Variants in NKAIN2 observed in about 807,000 individuals in gnomAD.
NKAIN2 encodes the protein sodium/potassium-transporting ATPase subunit beta-1-interacting protein 2.
Under a neutral mutation model 32.6 loss-of-function variants are expected in NKAIN2, and 14 were observed. The observed-to-expected ratio is 0.43, with a 90% CI of 0.28 to 0.67. The LOEUF is 0.67. NKAIN2 is among the 30% of genes least tolerant of loss of function. The probability of loss-of-function intolerance (pLI) is 0.17; values close to 1 mark genes in which losing one functional copy is unlikely to be tolerated. For synonymous variants in NKAIN2, 80 were observed against 87.2 expected (o/e 0.92, Z 0.46); for missense variants, 198 against 258.3 (o/e 0.77, Z 1.60).
chr6:124,645,695 T>C (rs571204783), intron 3 of NKAIN2, among the ~76,000 whole-genome samples: 1 of 152,112 alleles, frequency 6.6e-6, no homozygotes. Context: ...CTATTTAATA[T>C]GAAAAGACAA....
At chr6:124,688,801 T>G (rs1417788123) in intron 4 of NKAIN2, among the ~76,000 whole-genome samples, 2 of 152,156 alleles carry the variant, frequency 1.3e-5, no homozygotes, top group East Asian at 1.9e-4. Context: ...TTTCATGGCT[T>G]GATAATTCAT....
intron 1 of NKAIN2, among the ~76,000 whole-genome samples, chr6:123,966,824 G>T (rs1326143250): frequency 6.6e-6 from 1 of 152,168 alleles, no homozygotes; most frequent in Non-Finnish European, 1.5e-5. Flanking sequence ...TCACGTGTCA[G>T]ATGCCAAGTG....
At chr6:124,650,066 G>A (rs1784314094) in intron 3 of NKAIN2, among the ~76,000 whole-genome samples, 1 of 152,160 alleles carries the variant, frequency 6.6e-6, no homozygotes, top group Non-Finnish European at 1.5e-5. Flanking sequence ...AGAACTAGAA[G>A]CTTTTCTACT....
intron 4 of NKAIN2, among the ~76,000 whole-genome samples, chr6:124,673,181 A>C (rs1374971723): frequency 6.6e-6 from 1 of 152,020 alleles, no homozygotes; most frequent in Non-Finnish European, 1.5e-5. Context: ...TAAGCATGAT[A>C]TCCTCTAAGT....
chr6:123,920,907 C>A (rs776187078), intron 1 of NKAIN2, among the ~76,000 whole-genome samples: 1 of 152,248 alleles, frequency 6.6e-6, no homozygotes, highest in South Asian at 2.1e-4. Flanking sequence ...GACACATGCC[C>A]GCACACACAT....
chr6:124,730,035 A>T (rs1441641965), intron 4 of NKAIN2, among the ~76,000 whole-genome samples: 1 of 129,296 alleles, frequency 7.7e-6, no homozygotes, highest in African/African-American at 2.9e-5. Flanking sequence ...GAGAACTACA[A>T]ACCACTGATC....
chr6:124,726,444 G>A (rs932883140), intron 4 of NKAIN2, among the ~76,000 whole-genome samples: 2 of 152,104 alleles, frequency 1.3e-5, no homozygotes, highest in South Asian at 2.1e-4. Context: ...CCCAGCAGGG[G>A]CACACTGACA....
At chr6:124,357,661 C>T (rs983843174) in intron 3 of NKAIN2, among the ~76,000 whole-genome samples, 18 of 152,062 alleles carry the variant, frequency 1.2e-4, no homozygotes. Flanking sequence ...GTATTTATTT[C>T]CATGAAATCT....
intron 4 of NKAIN2, among the ~76,000 whole-genome samples, chr6:124,761,296 A>G (rs1339474343): frequency 1.3e-5 from 2 of 152,178 alleles, no homozygotes; most frequent in African/African-American, 4.8e-5. Flanking sequence ...CGGGGAGGCT[A>G]GTTAGATGGC....
intron 1 of NKAIN2, among the ~76,000 whole-genome samples, chr6:124,076,349 A>G (rs1783695097): frequency 6.6e-6 from 1 of 152,154 alleles, no homozygotes; most frequent in African/African-American, 2.4e-5. Context: ...TTGGCTTGAG[A>G]GAAACGGAAG....
intron 1 of NKAIN2, among the ~76,000 whole-genome samples, chr6:124,118,489 G>T (rs1009091605): frequency 1.7e-4 from 26 of 152,134 alleles, no homozygotes; most frequent in African/African-American, 6.3e-4. Context: ...TACCTCGGGA[G>T]AAAACAAAAA....
chr6:123,963,630 T>C (rs757977831), intron 1 of NKAIN2, among the ~76,000 whole-genome samples: 2 of 152,192 alleles, frequency 1.3e-5, no homozygotes, highest in Non-Finnish European at 2.9e-5. Flanking sequence ...AATTGCAACA[T>C]AGTAAACATT....
chr6:124,676,187 AT>A (rs1773347040), intron 4 of NKAIN2, among the ~76,000 whole-genome samples: 1 of 152,044 alleles, frequency 6.6e-6, no homozygotes, highest in South Asian at 2.1e-4. Context: ...GTCAGAAAAT[AT>A]TTTTGGTATG....
intron 3 of NKAIN2, among the ~76,000 whole-genome samples, chr6:124,519,716 A>C (rs1378423681): frequency 6.6e-6 from 1 of 152,224 alleles, no homozygotes; most frequent in African/African-American, 2.4e-5. Context: ...CCATATTCAC[A>C]AATGGAATGT....
intron 1 of NKAIN2, among the ~76,000 whole-genome samples, chr6:124,005,655 A>T (rs923995859): frequency 2.0e-5 from 3 of 152,178 alleles, no homozygotes; most frequent in African/African-American, 7.2e-5. Flanking sequence ...AAAGACACAG[A>T]TCTGTATGTT....
chr6:124,791,093 G>A (rs1779724413), intron 4 of NKAIN2, among the ~76,000 whole-genome samples: 1 of 152,102 alleles, frequency 6.6e-6, no homozygotes, highest in Non-Finnish European at 1.5e-5. Flanking sequence ...TAGATTGCCT[G>A]GCAATTATCA....
intron 3 of NKAIN2, among the ~76,000 whole-genome samples, chr6:124,639,570 G>A (rs1006636962): frequency 6.6e-6 from 1 of 152,052 alleles, no homozygotes; most frequent in Non-Finnish European, 1.5e-5. Flanking sequence ...GGAGGCAGAG[G>A]TTGCAGTAAG....
At chr6:124,033,618 T>A (rs1781492193) in intron 1 of NKAIN2, among the ~76,000 whole-genome samples, 1 of 152,114 alleles carries the variant, frequency 6.6e-6, no homozygotes, top group Non-Finnish European at 1.5e-5. Flanking sequence ...ATGGACGATT[T>A]CATTCTCACT....
At chr6:124,567,431 G>A (rs1211117453) in intron 3 of NKAIN2, among the ~76,000 whole-genome samples, 1 of 151,958 alleles carries the variant, frequency 6.6e-6, no homozygotes, top group Non-Finnish European at 1.5e-5. Context: ...TGTGTTCATC[G>A]CATTTATCTT....
Sources: allele counts gnomAD v4.1 joint callset (sites outside exome capture counted in the v4.1 genomes callset), GRCh38; gene constraint gnomAD v4.1.1; transcripts MANE v1.5; gene names NCBI Gene and HGNC (gene_info 2026-07-23, HGNC 2026-07-21).